Variants in SPACA7 observed in about 807,000 individuals in gnomAD.
SPACA7 encodes sperm acrosome associated 7, also known as sperm acrosome-associated protein 7.
Under a neutral mutation model 26.3 loss-of-function variants are expected in SPACA7, and 19 were observed. The ratio of observed to expected loss-of-function variants is 0.72; its 90% CI spans 0.50 to 1.06. The LOEUF (loss-of-function observed/expected upper bound fraction) is 1.06. SPACA7 is among the 50% of genes least tolerant of loss of function. SPACA7 has a pLI of 0.00. For missense variants in SPACA7, 211 were observed against 229.9 expected, an observed-to-expected ratio of 0.92 and a Z score of 0.53; for synonymous variants, 84 against 84.5, an observed-to-expected ratio of 0.99 and a Z score of 0.04.
At chr13:112,433,233 C>T (rs1365382262) in intron 6 of SPACA7, among the ~76,000 whole-genome samples, 2 of 146,694 alleles carry the variant, frequency 1.4e-5, no homozygotes, top group African/African-American at 2.5e-5. Context: ...CCATGAATCC[C>T]GAGCTGCTGT....
chr13:112,417,217 T>C (rs1886750998), intron 5 of SPACA7, among the ~76,000 whole-genome samples: 1 of 152,176 alleles, frequency 6.6e-6, no homozygotes, highest in African/African-American at 2.4e-5. Context: ...ATTCATTCTA[T>C]TCCATAGTTA....
intron 5 of SPACA7, 129 bp from the exon 6 acceptor site, chr13:112,432,315 A>G: frequency 1.5e-6 from 1 of 649,914 alleles, no homozygotes; most frequent in Non-Finnish European, 2.7e-6. Flanking sequence ...GCAGCACCTC[A>G]CCCCGCTTGC....
At chr13:112,392,186 A>G (rs571590131) in intron 1 of SPACA7, among the ~76,000 whole-genome samples, 1 of 152,166 alleles carries the variant, frequency 6.6e-6, no homozygotes, top group African/African-American at 2.4e-5. Flanking sequence ...CCACACCTCC[A>G]ATAAAGAAAA....
intron 2 of SPACA7, among the ~76,000 whole-genome samples, chr13:112,393,543 G>C (rs1306832496): frequency 6.6e-6 from 1 of 151,680 alleles, no homozygotes; most frequent in East Asian, 1.9e-4. Flanking sequence ...GGAAACTACA[G>C]ACCCCCTGGC....
chr13:112,429,329 T>C (rs1876839840), intron 5 of SPACA7, among the ~76,000 whole-genome samples: 1 of 151,284 alleles, frequency 6.6e-6, no homozygotes, highest in African/African-American at 2.4e-5. Flanking sequence ...TGAGCCAAGA[T>C]GGTGCCACTG....
chr13:112,434,253 G>A lies in SPACA7; in HGVS notation c.524-232G>A, dbSNP rs368045358. ...GTCGATGGGTTTTGAGGGAGAACGC[G>A]GGGGAAATGACACTGGACAGGGTGG... On this transcript the variant is annotated intron_variant, in intron 6 of 6. Coordinates refer to ENST00000283550, the MANE Select transcript of SPACA7 (RefSeq NM_145248.5). Among the ~76,000 whole-genome samples, 330 of 152,268 alleles carry A rather than the reference G, an allele frequency of 2.2e-3. 2 individuals are homozygous for A. The highest frequency in any genetic ancestry group is 6.2e-3 in the African/African-American group (257 of 41,562).
chr13:112,401,137 G>GGCAGTGAGC lies in SPACA7; in HGVS notation c.426_427insCGCAGTGAG (p.Glu142_Lys143insArgSerGlu). 2.5e-6 allele frequency: 4 copies of GGCAGTGAGC among 1,614,086 alleles called. No homozygotes were observed. Among genetic ancestry groups the GGCAGTGAGC allele is most frequent in the Non-Finnish European group, 3.4e-6 (4 of 1,179,990 alleles). ...TTATCGTGGGCCACAGGTGTCTCCTGGCAGTGAGAAGAGTGTTTCCAGTAA... is the reference window on the plus strand; with the variant it reads ...TTATCGTGGGCCACAGGTGTCTCCTGGCAGTGAGCGCAGTGAGAAGAGTGTTTCCAGTAA... On this transcript the variant is annotated inframe_insertion, in exon 5 of 7. Coordinates refer to ENST00000283550, the MANE Select transcript of SPACA7 (RefSeq NM_145248.5).
chr13:112,378,309 G>T (rs1009699755), intron 1 of SPACA7, among the ~76,000 whole-genome samples: 2 of 152,126 alleles, frequency 1.3e-5, no homozygotes, highest in African/African-American at 4.8e-5. Flanking sequence ...AATACACAGG[G>T]TTATAACTCA....
chr13:112,427,980 GT>G (rs1429444469), intron 5 of SPACA7, among the ~76,000 whole-genome samples: 3 of 152,038 alleles, frequency 2.0e-5, no homozygotes, highest in African/African-American at 7.2e-5. Context: ...AGAGAACCAG[GT>G]TTTTTGTTTC....
At chr13:112,430,168 CTCTCTCTGTGTGTG>C (rs777093332) in intron 5 of SPACA7, among the ~76,000 whole-genome samples, 4 of 115,884 alleles carry the variant, frequency 3.5e-5, no homozygotes, top group African/African-American at 3.8e-5. Context: ...CCTTGCATCT[CTCTCTCTGTGTGTG>C]TGTGTGTGTG....
At chr13:112,434,380 G>T in intron 6 of SPACA7, 105 bp from the exon 7 acceptor site, 1 of 938,880 alleles carries the variant, frequency 1.1e-6, no homozygotes, top group Non-Finnish European at 1.7e-6. Flanking sequence ...CTCCACAACT[G>T]AGGGCTTGGT....
chr13:112,415,857 C>T (rs1250357051), intron 5 of SPACA7, among the ~76,000 whole-genome samples: 1 of 152,070 alleles, frequency 6.6e-6, no homozygotes, highest in Non-Finnish European at 1.5e-5. Flanking sequence ...GGCAGCGATT[C>T]TCCTCTGGCC....
At chr13:112,383,226 G>C (rs1428513071) in intron 1 of SPACA7, among the ~76,000 whole-genome samples, 1 of 151,218 alleles carries the variant, frequency 6.6e-6, no homozygotes, top group Non-Finnish European at 1.5e-5. Flanking sequence ...AAGGAAGAAA[G>C]AAAGACTGAA....
At position 112,399,083 on chromosome 13, in the gene SPACA7, A is replaced by C. The variant is rs777986103; in HGVS notation, c.259A>C (p.Asn87His). Residue 87 changes from asparagine (N) to histidine (H), a missense_variant, in exon 4 of 7, where the codon AAT becomes CAT. Transcript: ENST00000283550. ...CATTGAAGATGCTGGTATTGATGAG[A>C]ATTATCAAGCTGGTGGTTCTGAGAA... ...STPLHAGIDE[N>H]YQAGGSENYH... 6.2e-7 allele frequency: 1 copy of C among 1,607,442 alleles called. No individual in the cohort carries two copies. The highest frequency in any genetic ancestry group is 8.5e-7 in the Non-Finnish European group (1 of 1,174,776).
intron 1 of SPACA7, among the ~76,000 whole-genome samples, chr13:112,380,075 GAC>G (rs1437103903): frequency 6.6e-6 from 1 of 152,096 alleles, no homozygotes; most frequent in Non-Finnish European, 1.5e-5. Flanking sequence ...TTCCTAGTAA[GAC>G]TACTCAACAG....
chr13:112,419,458 C>T (rs1346226873), intron 5 of SPACA7, among the ~76,000 whole-genome samples: 3 of 152,170 alleles, frequency 2.0e-5, no homozygotes, highest in Non-Finnish European at 2.9e-5. Flanking sequence ...CAGGTGACCC[C>T]TCCCACTTTC....
At chr13:112,399,563 A>C (rs1272554237) in intron 4 of SPACA7, among the ~76,000 whole-genome samples, 2 of 152,252 alleles carry the variant, frequency 1.3e-5, no homozygotes, top group Non-Finnish European at 2.9e-5. Context: ...GGTCCCCCAG[A>C]AGTAGGGAAA....
intron 5 of SPACA7, among the ~76,000 whole-genome samples, chr13:112,411,222 A>C (rs1347756149): frequency 6.6e-6 from 1 of 152,028 alleles, no homozygotes; most frequent in Non-Finnish European, 1.5e-5. Context: ...TGTTCTACTA[A>C]ACACCTTTGT....
At chr13:112,385,346 C>T (rs1408146992) in intron 1 of SPACA7, among the ~76,000 whole-genome samples, 1 of 152,176 alleles carries the variant, frequency 6.6e-6, no homozygotes, top group East Asian at 1.9e-4. Context: ...CCCTACACAT[C>T]TTGTATATAA....
Sources: gnomAD v4.1 joint callset for allele counts (sites outside exome capture counted in the v4.1 genomes callset) on GRCh38, gnomAD v4.1.1 for gene constraint, MANE v1.5 for transcripts, NCBI Gene and HGNC (gene_info 2026-07-23, HGNC 2026-07-21) for gene names.